The following NPSR1 variants were observed in gnomAD, a reference collection of about 807,000 sequenced individuals.
NPSR1 encodes the protein neuropeptide S receptor.
NPSR1 carries 48 observed loss-of-function variants against 46.9 expected under a neutral mutation model. That is an observed-to-expected ratio of 1.02 (90% CI 0.81 to 1.30). The LOEUF (loss-of-function observed/expected upper bound fraction) is 1.30, where lower values mean the gene tolerates loss of function less well. Among genes scored for constraint, NPSR1 ranks in the 50% most tolerant of loss-of-function variants. NPSR1 has a pLI of 0.00. For synonymous variants in NPSR1, 176 were observed against 168.1 expected, an observed-to-expected ratio of 1.05 and a Z score of -0.36; for missense variants, 450 against 449.5, an observed-to-expected ratio of 1.00 and a Z score of -0.01.
chr7:34,689,594 G>C (rs1446648434), intron 2 of NPSR1, among the ~76,000 whole-genome samples: 1 of 88,650 alleles, frequency 1.1e-5, no homozygotes, highest in Non-Finnish European at 2.0e-5. Context: ...GACAGAGCCA[G>C]ACTCTGTCTC....
At chr7:34,857,906 G>A (rs1203301242) in intron 8 of NPSR1, among the ~76,000 whole-genome samples, 9 of 151,552 alleles carry the variant, frequency 5.9e-5, no homozygotes, top group Non-Finnish European at 1.0e-4. Context: ...ATTAACTTCA[G>A]AAAAGAAGTT....
intron 8 of NPSR1, among the ~76,000 whole-genome samples, chr7:34,861,420 C>T (rs1228520712): frequency 6.6e-6 from 1 of 151,798 alleles, no homozygotes; most frequent in Non-Finnish European, 1.5e-5. Context: ...ACCTAGACTA[C>T]ATTGTTTAAT....
chr7:34,722,882 C>T (rs897364432), intron 2 of NPSR1, among the ~76,000 whole-genome samples: 1 of 152,126 alleles, frequency 6.6e-6, no homozygotes, highest in Non-Finnish European at 1.5e-5. Flanking sequence ...ATCATGCCTC[C>T]TTTGAGCTTT....
intron 1 of NPSR1, among the ~76,000 whole-genome samples, chr7:34,663,211 C>T (rs966370832): frequency 6.6e-6 from 1 of 151,938 alleles, no homozygotes; most frequent in Non-Finnish European, 1.5e-5. Flanking sequence ...TGGTCATCCT[C>T]GTTCTGGACT....
intron 1 of NPSR1, among the ~76,000 whole-genome samples, chr7:34,658,906 G>A (rs962913745): frequency 2.6e-5 from 4 of 152,124 alleles, no homozygotes; most frequent in Admixed American, 6.5e-5. Context: ...GTTTCTAGTA[G>A]GGGTTAGAGC....
At chr7:34,716,798 A>T (rs1171488595) in intron 2 of NPSR1, among the ~76,000 whole-genome samples, 1 of 151,994 alleles carries the variant, frequency 6.6e-6, no homozygotes, top group Non-Finnish European at 1.5e-5. Flanking sequence ...GCCACTTTGG[A>T]ATGGGAGCAT....
rs145767940 is a variant in NPSR1 at position 34,679,649 on chromosome 7, A to G, written c.148-4903A>G. Among the ~76,000 whole-genome samples, 172 of 152,272 alleles carry G rather than the reference A, an allele frequency of 1.1e-3. 1 individual carries two copies. Among genetic ancestry groups the G allele is most frequent in the Non-Finnish European group, 7.5e-4 (51 of 67,974 alleles). Reference sequence around the variant, plus strand: ...GCTAGTTCGTTTCACTTAAAGTCACAGTTTCCAAGAACCTATTGATGATGA... The same window carrying G: ...GCTAGTTCGTTTCACTTAAAGTCACGGTTTCCAAGAACCTATTGATGATGA... On this transcript the variant is annotated intron_variant, in intron 1 of 8. Transcript: ENST00000360581.
chr7:34,724,879 A>T (rs1462510023), intron 2 of NPSR1, among the ~76,000 whole-genome samples: 2 of 152,210 alleles, frequency 1.3e-5, no homozygotes, highest in African/African-American at 4.8e-5. Context: ...ATAGTATCAT[A>T]GTATGTAGCA....
intron 2 of NPSR1, among the ~76,000 whole-genome samples, chr7:34,772,002 G>A (rs979835656): frequency 6.6e-6 from 1 of 152,160 alleles, no homozygotes; most frequent in African/African-American, 2.4e-5. Flanking sequence ...ACCATTGGGG[G>A]ATGCTTTGCG....
chr7:34,829,811 T>C (rs1304696719), intron 5 of NPSR1, among the ~76,000 whole-genome samples: 2 of 152,194 alleles, frequency 1.3e-5, no homozygotes, highest in Non-Finnish European at 2.9e-5. Flanking sequence ...AGGGAAATGA[T>C]TTCAAAAACT....
chr7:34,764,752 A>G (rs989412155), intron 2 of NPSR1, among the ~76,000 whole-genome samples: 8 of 152,184 alleles, frequency 5.3e-5, no homozygotes. Context: ...GAAGTCTCCT[A>G]CTTCTAGGTA....
At chr7:34,798,410 C>A (rs897910751) in intron 3 of NPSR1, among the ~76,000 whole-genome samples, 3 of 152,092 alleles carry the variant, frequency 2.0e-5, no homozygotes, top group African/African-American at 7.2e-5. Context: ...TGGCACGCAC[C>A]TGTAATCCCA....
At chr7:34,680,115 A>G (rs1792546179) in intron 1 of NPSR1, among the ~76,000 whole-genome samples, 1 of 152,174 alleles carries the variant, frequency 6.6e-6, no homozygotes, top group African/African-American at 2.4e-5. Context: ...AATGCCTTCT[A>G]TCATATTATA....
At chr7:34,842,181 T>TTA (rs1226108270) in intron 6 of NPSR1, among the ~76,000 whole-genome samples, 1 of 152,210 alleles carries the variant, frequency 6.6e-6, no homozygotes, top group Non-Finnish European at 1.5e-5. Context: ...GTGAGTTAGG[T>TTA]GTTCTACACC....
chr7:34,873,889 G>T (rs1037602987), intron 8 of NPSR1, among the ~76,000 whole-genome samples: 2 of 151,570 alleles, frequency 1.3e-5, no homozygotes, highest in African/African-American at 2.4e-5. Flanking sequence ...AACAAAGCAG[G>T]CTCCTCATCA....
intron 5 of NPSR1, among the ~76,000 whole-genome samples, chr7:34,833,014 A>G (rs893062125): frequency 6.6e-6 from 1 of 152,226 alleles, no homozygotes; most frequent in East Asian, 1.9e-4. Context: ...GCTCCAAAAA[A>G]GTCCCTGAGC....
chr7:34,686,228 A>G (rs1177447581), intron 2 of NPSR1: 2 of 152,422 alleles, frequency 1.3e-5, no homozygotes, highest in Non-Finnish European at 2.9e-5. Context: ...GCTTAATTTC[A>G]TGTACATCTC....
chr7:34,743,530 T>C (rs1452744675), intron 2 of NPSR1, among the ~76,000 whole-genome samples: 1 of 151,730 alleles, frequency 6.6e-6, no homozygotes, highest in Non-Finnish European at 1.5e-5. Flanking sequence ...AACCTCCGCC[T>C]CCTGGGTTCA....
At chr7:34,747,896 G>A (rs1039093088) in intron 2 of NPSR1, among the ~76,000 whole-genome samples, 3 of 152,152 alleles carry the variant, frequency 2.0e-5, no homozygotes, top group Admixed American at 1.3e-4. Context: ...TGGGTGGGAC[G>A]AGTTAAAGAA....
Sources: gnomAD v4.1 joint callset for allele counts (sites outside exome capture counted in the v4.1 genomes callset) on GRCh38, gnomAD v4.1.1 for gene constraint, MANE v1.5 for transcripts, NCBI Gene and HGNC (gene_info 2026-07-23, HGNC 2026-07-21) for gene names.